Variants in PID1 observed in about 807,000 individuals in gnomAD.
The protein encoded by PID1 is phosphotyrosine interaction domain containing 1.
A neutral mutation model predicts 19.1 loss-of-function variants in PID1; 10 were observed. The observed-to-expected ratio is 0.52, with a 90% CI of 0.32 to 0.89. The LOEUF (loss-of-function observed/expected upper bound fraction) is 0.89, where lower values mean the gene tolerates loss of function less well. Among genes scored for constraint, PID1 ranks in the 40% least tolerant of loss-of-function variants. The pLI, the probability that PID1 is intolerant of heterozygous loss-of-function variation, is 0.03. For missense variants in PID1, 248 were observed against 285.3 expected (o/e 0.87, Z 0.94); for synonymous variants, 130 against 116.0 (o/e 1.12, Z -0.78).
intron 2 of PID1, among the ~76,000 whole-genome samples, chr2:229,041,807 C>T (rs1693776046): frequency 6.6e-6 from 1 of 151,574 alleles, no homozygotes. Flanking sequence ...AAATGTTGAA[C>T]AAATCCAAAT....
chr2:229,211,451 C>T (rs909928122), intron 1 of PID1, among the ~76,000 whole-genome samples: 1 of 152,064 alleles, frequency 6.6e-6, no homozygotes, highest in Non-Finnish European at 1.5e-5. Context: ...TATTTGCATG[C>T]TTGTGGTTTT....
rs373420436 is a variant in PID1 at position 229,181,536 on chromosome 2, C to A, written c.31-25572G>T. 2.2e-4 allele frequency among the ~76,000 whole-genome samples: 33 copies of A among 152,328 alleles called. No individual in the cohort carries two copies. The South Asian group carries it at 5.6e-3, about 26-fold the overall frequency. On this transcript the variant is annotated intron_variant, in intron 1 of 2. Transcript: ENST00000392055. ...AAATCAGATTCACTACCACCTTATA[C>A]ATAATACAAGATGACAGTGAAGTCA... is the stretch of plus-strand genomic sequence containing the variant.
intron 1 of PID1, among the ~76,000 whole-genome samples, chr2:229,260,817 A>ATTT (rs66533277): frequency 1.9e-4 from 22 of 114,586 alleles, no homozygotes; most frequent in Non-Finnish European, 3.1e-4. Context: ...TCTGATTGCC[A>ATTT]TTTTTTTTTT....
rs149911478 is a variant in PID1 at position 229,101,916 on chromosome 2, T to A, written c.177+53902A>T. Among the ~76,000 whole-genome samples, 568 of 152,242 alleles carry A rather than the reference T, an allele frequency of 3.7e-3. 7 individuals carry two copies. The highest frequency in any genetic ancestry group is 0.013 in the African/African-American group (528 of 41,526). On this transcript the variant is annotated intron_variant, in intron 2 of 2. Coordinates refer to ENST00000392055, the MANE Select transcript of PID1 (RefSeq NM_001100818.2). ...TAGGAGATAGAATTAAAATTGCTAATCATCTGACCTTAAAATAAGATTAGC... is the reference window on the plus strand; with the variant it reads ...TAGGAGATAGAATTAAAATTGCTAAACATCTGACCTTAAAATAAGATTAGC...
chr2:229,111,402 A>C lies in PID1; in HGVS notation c.177+44416T>G, dbSNP rs554636901. ...CTACATTATAACTATTACATCGATT[A>C]GACTGGAGTTTTCACTGTCTCAAGA... On this transcript the variant is annotated intron_variant, in intron 2 of 2. Coordinates refer to ENST00000392055, the MANE Select transcript of PID1 (RefSeq NM_001100818.2). Among the ~76,000 whole-genome samples the C allele has an allele frequency of 3.3e-5, 5 of 152,192 alleles. No homozygotes were observed. The South Asian group carries it at 8.3e-4, about 25-fold the overall frequency.
At chr2:229,184,387 G>GTA (rs1227915568) in intron 1 of PID1, among the ~76,000 whole-genome samples, 1 of 84,434 alleles carries the variant, frequency 1.2e-5, no homozygotes, top group Non-Finnish European at 2.3e-5. Context: ...TATCTATCCC[G>GTA]TATATATCTA....
intron 1 of PID1, among the ~76,000 whole-genome samples, chr2:229,216,309 T>C (rs892497016): frequency 5.3e-5 from 8 of 152,198 alleles, no homozygotes; most frequent in Non-Finnish European, 1.2e-4. Flanking sequence ...TCAGACTCAT[T>C]GGAAGGTTTC....
intron 1 of PID1, among the ~76,000 whole-genome samples, chr2:229,265,486 T>C (rs1574770143): frequency 6.6e-6 from 1 of 152,318 alleles, no homozygotes; most frequent in South Asian, 2.1e-4. Context: ...TAAATAGGGA[T>C]CACAACTTTT....
intron 1 of PID1, among the ~76,000 whole-genome samples, chr2:229,209,281 T>C (rs1245947020): frequency 6.6e-6 from 1 of 152,214 alleles, no homozygotes; most frequent in Non-Finnish European, 1.5e-5. Flanking sequence ...GCTGGGATGC[T>C]GGCTGGTCAC....
chr2:229,177,355 A>C (rs1319288687), intron 1 of PID1, among the ~76,000 whole-genome samples: 3 of 152,196 alleles, frequency 2.0e-5, no homozygotes, highest in Non-Finnish European at 4.4e-5. Context: ...ACTGGGTAAA[A>C]TAAGTAGAAC....
chr2:229,252,292 G>A (rs1458312548), intron 1 of PID1, among the ~76,000 whole-genome samples: 1 of 152,160 alleles, frequency 6.6e-6, no homozygotes, highest in East Asian at 1.9e-4. Flanking sequence ...TTTTAATTTG[G>A]GGGCAGAAAA....
chr2:229,232,782 CACATAA>C (rs1185084982), intron 1 of PID1, among the ~76,000 whole-genome samples: 1 of 99,238 alleles, frequency 1.0e-5, no homozygotes, highest in Non-Finnish European at 1.9e-5. Context: ...TACACACACA[CACATAA>C]ATATATATAT....
chr2:229,155,759 C>G (rs1690357892), intron 2 of PID1, 59 bp downstream of exon 2: 1 of 1,475,984 alleles, frequency 6.8e-7, no homozygotes, highest in African/African-American at 1.4e-5. Flanking sequence ...AGGTCTCAAG[C>G]CCACACATCT....
Position 229,271,102 on chromosome 2 carries a change from G to T in PID1, c.-59C>A. 6.6e-7 allele frequency: 1 copy of T among 1,525,384 alleles called. No homozygotes were observed. The highest frequency in any genetic ancestry group is 8.8e-7 in the Non-Finnish European group (1 of 1,130,666). 94.5% of individuals were successfully genotyped at this position (1,525,384 alleles called of 1,614,324 possible). Reference sequence around the variant, plus strand: ...GGCGAGACTGTCGATCGCGCCGGGGGGCGAGGGGCTGGGGTCCCGCTTTAC... The same window carrying T: ...GGCGAGACTGTCGATCGCGCCGGGGTGCGAGGGGCTGGGGTCCCGCTTTAC... On this transcript the variant is annotated 5_prime_UTR_variant, in exon 1 of 3. Transcript: ENST00000392055.
At position 229,024,299 on chromosome 2, in the gene PID1, CT is replaced by C. The variant is rs1693363132; in HGVS notation, c.*1332del. 1.3e-5 allele frequency: 2 copies of C among 152,508 alleles called. No individual in the cohort carries two copies. Among genetic ancestry groups the C allele is most frequent in the South Asian group, 4.1e-4 (2 of 4,830 alleles). The allele number at this position is 152,508 out of a possible 1,614,324, so 9.4% of individuals were successfully genotyped here. The stretch of plus-strand genomic sequence containing the variant: ...TAATATTACCAGGATTGAAAACAGA[CT>C]TTTAGGAAGGAGCAGCATTACTTCG... On this transcript the variant is annotated 3_prime_UTR_variant, in exon 3 of 3. Transcript: ENST00000392055.
At chr2:229,082,837 A>G (rs1342824877) in intron 2 of PID1, among the ~76,000 whole-genome samples, 1 of 152,194 alleles carries the variant, frequency 6.6e-6, no homozygotes, top group Non-Finnish European at 1.5e-5. Flanking sequence ...AGACCCAGTA[A>G]AGCCCACCAG....
chr2:229,086,526 T>C (rs549261363), intron 2 of PID1, among the ~76,000 whole-genome samples: 4 of 152,252 alleles, frequency 2.6e-5, no homozygotes, highest in Non-Finnish European at 2.9e-5. Context: ...CCATCTTAAG[T>C]CAGGACCTTC....
At chr2:229,263,743 T>C (rs904427230) in intron 1 of PID1, among the ~76,000 whole-genome samples, 1 of 152,212 alleles carries the variant, frequency 6.6e-6, no homozygotes, top group Non-Finnish European at 1.5e-5. Context: ...GGATTAAATA[T>C]GCTTTTCATA....
At chr2:229,124,889 A>G (rs1349232277) in intron 2 of PID1, among the ~76,000 whole-genome samples, 1 of 152,170 alleles carries the variant, frequency 6.6e-6, no homozygotes. Context: ...GTATCTCCCT[A>G]TTCTGAGCTA....
Sources: gnomAD v4.1 joint callset for allele counts (sites outside exome capture counted in the v4.1 genomes callset) on GRCh38, gnomAD v4.1.1 for gene constraint, MANE v1.5 for transcripts, NCBI Gene and HGNC (gene_info 2026-07-23, HGNC 2026-07-21) for gene names.